The following L3MBTL3 variants were observed in gnomAD, a reference collection of about 807,000 sequenced individuals.
L3MBTL3 encodes the protein L3MBTL histone methyl-lysine binding protein 3, also known as lethal(3)malignant brain tumor-like protein 3.
A neutral mutation model predicts 102.3 loss-of-function variants in L3MBTL3; 27 were observed. That is an observed-to-expected ratio of 0.26 (90% CI 0.19 to 0.36). L3MBTL3 has a LOEUF of 0.36. Among genes scored for constraint, L3MBTL3 ranks in the 10% least tolerant of loss-of-function variants. The pLI is 1.00. For missense variants in L3MBTL3, 798 were observed against 955.3 expected (o/e 0.84, Z 2.17); for synonymous variants, 340 against 320.9 (o/e 1.06, Z -0.64).
At chr6:130,044,758 G>T (rs1359812312) in intron 3 of L3MBTL3, among the ~76,000 whole-genome samples, 1 of 152,046 alleles carries the variant, frequency 6.6e-6, no homozygotes, top group African/African-American at 2.4e-5. Context: ...TGACCCAATT[G>T]ATTATATCAC....
intron 2 of L3MBTL3, among the ~76,000 whole-genome samples, chr6:130,035,724 C>T (rs1469112716): frequency 3.3e-5 from 5 of 152,152 alleles, no homozygotes; most frequent in Admixed American, 2.6e-4. Context: ...GAATCAGAAG[C>T]ATTTGGTGGA....
intron 22 of L3MBTL3, among the ~76,000 whole-genome samples, chr6:130,136,770 A>G (rs1037703822): frequency 1.3e-5 from 2 of 152,044 alleles, no homozygotes; most frequent in Admixed American, 6.6e-5. Flanking sequence ...GGTGCGTGCC[A>G]CCACACCCGG....
rs553342591 is a variant in L3MBTL3, at chr6:130,060,536, A to G, written c.864+396A>G. 7.9e-5 allele frequency among the ~76,000 whole-genome samples: 12 copies of G among 152,170 alleles called. No homozygotes were observed. The South Asian group carries it at 2.3e-3, about 29-fold the overall frequency. ...TTCAGGAAAAAAATGACCAAGCCAA[A>G]TATATGAATATATATCTCAGTCTAA... On this transcript the variant is annotated intron_variant, in intron 10 of 22. Transcript: ENST00000361794.
At chr6:130,083,038 C>T (rs1219790366) in intron 14 of L3MBTL3, among the ~76,000 whole-genome samples, 2 of 152,020 alleles carry the variant, frequency 1.3e-5, no homozygotes, top group African/African-American at 4.8e-5. Context: ...GATTTGGGGC[C>T]CTGGAGGGAA....
chr6:130,088,537 T>G (rs1392519010), intron 16 of L3MBTL3, among the ~76,000 whole-genome samples: 1 of 152,208 alleles, frequency 6.6e-6, no homozygotes, highest in Non-Finnish European at 1.5e-5. Flanking sequence ...TTTCACACCT[T>G]GAGCTATTAT....
At chr6:130,086,920 A>G (rs1301431535) in intron 16 of L3MBTL3, among the ~76,000 whole-genome samples, 2 of 152,264 alleles carry the variant, frequency 1.3e-5, no homozygotes, top group East Asian at 1.9e-4. Context: ...AAGAATAGTT[A>G]TAACAGCAAG....
chr6:130,069,306 C>T (rs1782475299), intron 12 of L3MBTL3, among the ~76,000 whole-genome samples: 1 of 152,130 alleles, frequency 6.6e-6, no homozygotes, highest in African/African-American at 2.4e-5. Flanking sequence ...AACAGCATTC[C>T]CTTCAAATGG....
chr6:130,069,201 C>G (rs998117977), intron 12 of L3MBTL3, among the ~76,000 whole-genome samples: 1 of 152,198 alleles, frequency 6.6e-6, no homozygotes, highest in African/African-American at 2.4e-5. Context: ...CCCTGCAGCC[C>G]AGCTTTCTCT....
At chr6:130,114,759 A>G (rs1394289511) in intron 19 of L3MBTL3, among the ~76,000 whole-genome samples, 5 of 152,204 alleles carry the variant, frequency 3.3e-5, no homozygotes, top group Admixed American at 6.5e-5. Context: ...CTGTTGTATC[A>G]TCTCAAAAGG....
At chr6:130,098,504 GTTT>G (rs1329829456) in intron 18 of L3MBTL3, among the ~76,000 whole-genome samples, 1 of 152,140 alleles carries the variant, frequency 6.6e-6, no homozygotes, top group East Asian at 1.9e-4. Flanking sequence ...TTTTATTGCT[GTTT>G]ACTTTTTGCT....
chr6:130,134,039 C>G lies in L3MBTL3; in HGVS notation c.2199+134C>G, dbSNP rs910999857. ...GTTGAAATTGACAAATTGATGTATA[C>G]TAACAGGCAGTATGAATCAGTTGTA... On this transcript the variant is annotated intron_variant, in intron 22 of 22. Coordinates refer to ENST00000361794, the MANE Select transcript of L3MBTL3 (RefSeq NM_032438.4). 2.1e-5 allele frequency: 14 copies of G among 671,248 alleles called. No homozygotes were observed. In the African/African-American group the frequency reaches 2.3e-4, roughly 11 times the overall value. 41.6% of individuals were successfully genotyped at this position (671,248 alleles called of 1,614,324 possible). A position where few individuals can be genotyped will look rare whatever the true frequency, so the allele number is the denominator to read the frequency against.
intron 2 of L3MBTL3, among the ~76,000 whole-genome samples, chr6:130,030,665 TAAAAA>T (rs548921467): frequency 2.1e-5 from 1 of 48,530 alleles, no homozygotes; most frequent in East Asian, 7.7e-4. Context: ...AGACTCTACC[TAAAAA>T]AAAAAAAAAA....
intron 22 of L3MBTL3, chr6:130,138,191 G>A (rs1178236245): frequency 1.3e-5 from 2 of 152,186 alleles, no homozygotes; most frequent in East Asian, 3.9e-4. Context: ...TATCAGCCTT[G>A]TTTAGAGAAC....
chr6:130,092,709 C>A lies in L3MBTL3; in HGVS notation c.1519-36C>A, dbSNP rs775745483. The A allele has an allele frequency of 5.9e-6, 8 of 1,355,818 alleles. No individual in the cohort carries two copies. The Admixed American group carries it at 1.4e-4, about 23-fold the overall frequency. The allele number at this position is 1,355,818 out of a possible 1,614,324, so 84.0% of individuals were successfully genotyped here. A position where few individuals can be genotyped will look rare whatever the true frequency, so the allele number is the denominator to read the frequency against. On this transcript the variant is annotated intron_variant, in intron 16 of 22. Transcript: ENST00000361794. Reference sequence around the variant, plus strand: ...ACTTTGACTGTAGGAACTTTTATGACTTAATTTGTACTGTTAATGTCCTTG... The same window carrying A: ...ACTTTGACTGTAGGAACTTTTATGAATTAATTTGTACTGTTAATGTCCTTG...
At chr6:130,112,288 G>A (rs748466743) in intron 19 of L3MBTL3, among the ~76,000 whole-genome samples, 8 of 152,144 alleles carry the variant, frequency 5.3e-5, no homozygotes, top group South Asian at 4.1e-4. Context: ...ACTCCCTTGC[G>A]TGCAGTAGTG....
intron 19 of L3MBTL3, among the ~76,000 whole-genome samples, chr6:130,110,323 A>G (rs1426834687): frequency 1.3e-5 from 2 of 152,190 alleles, no homozygotes; most frequent in Non-Finnish European, 2.9e-5. Context: ...GTTTCTTCCT[A>G]TCCATGAGCA....
At chr6:130,037,499 G>C (rs925490774) in intron 2 of L3MBTL3, among the ~76,000 whole-genome samples, 2 of 151,216 alleles carry the variant, frequency 1.3e-5, no homozygotes, top group African/African-American at 4.8e-5. Flanking sequence ...TACCTGTTTA[G>C]TGAGAGAGAA....
At chr6:130,020,893 A>G (rs1778965561) in intron 1 of L3MBTL3, among the ~76,000 whole-genome samples, 2 of 151,226 alleles carry the variant, frequency 1.3e-5, no homozygotes, top group South Asian at 4.2e-4. Context: ...CCGCCAGAAA[A>G]ATGCATTCGA....
chr6:130,023,037 C>T lies in L3MBTL3; in HGVS notation c.-16+732C>T, dbSNP rs115052002. On this transcript the variant is annotated intron_variant, in intron 2 of 22. Coordinates refer to ENST00000361794, the MANE Select transcript of L3MBTL3 (RefSeq NM_032438.4). Reference sequence around the variant, plus strand: ...ACATTTCAGTACATTTTTGCTACTCCAGTGCTTTCTACTGTTTATACCTTT... The same window carrying T: ...ACATTTCAGTACATTTTTGCTACTCTAGTGCTTTCTACTGTTTATACCTTT... Among the ~76,000 whole-genome samples, 68 of 152,270 alleles carry T rather than the reference C, an allele frequency of 4.5e-4. 2 individuals carry two copies. Among genetic ancestry groups the T allele is most frequent in the African/African-American group, 1.5e-3 (64 of 41,558 alleles).
Sources: gnomAD v4.1 joint callset for allele counts (sites outside exome capture counted in the v4.1 genomes callset) on GRCh38, gnomAD v4.1.1 for gene constraint, MANE v1.5 for transcripts, NCBI Gene and HGNC (gene_info 2026-07-23, HGNC 2026-07-21) for gene names.